Variants in HMGCLL1 observed in about 807,000 individuals in gnomAD.
The protein encoded by HMGCLL1 is 3-hydroxy-3-methylglutaryl-CoA lyase like 1.
HMGCLL1 carries 36 observed loss-of-function variants against 39.1 expected under a neutral mutation model. The ratio of observed to expected loss-of-function variants is 0.92; its 90% confidence interval spans 0.71 to 1.22. HMGCLL1 has a LOEUF of 1.22. Ranked by LOEUF, HMGCLL1 falls within the 50% of genes most tolerant of loss-of-function variation. The pLI is 0.00. For synonymous variants in HMGCLL1, 149 were observed against 144.0 expected (o/e 1.03, Z -0.25); for missense variants, 451 against 416.5 (o/e 1.08, Z -0.72).
chr6:55,500,249 G>A (rs1468702181), intron 5 of HMGCLL1, among the ~76,000 whole-genome samples: 3 of 151,970 alleles, frequency 2.0e-5, no homozygotes, highest in South Asian at 2.1e-4. Flanking sequence ...TCACTCAAAA[G>A]TGTTTTGAGG....
intron 5 of HMGCLL1, chr6:55,512,511 T>C (rs1008016839): frequency 6.6e-6 from 1 of 152,138 alleles, no homozygotes; most frequent in Non-Finnish European, 1.5e-5. Context: ...TTTTCTCATA[T>C]AGTCCTTACA....
At chr6:55,435,989 T>A (rs1763356504) in intron 8 of HMGCLL1, among the ~76,000 whole-genome samples, 1 of 152,022 alleles carries the variant, frequency 6.6e-6, no homozygotes, top group South Asian at 2.1e-4. Context: ...CTGACCCTTG[T>A]ATAATAATAT....
intron 7 of HMGCLL1, among the ~76,000 whole-genome samples, chr6:55,484,374 C>T (rs1425925750): frequency 6.6e-6 from 1 of 151,928 alleles, no homozygotes; most frequent in Non-Finnish European, 1.5e-5. Flanking sequence ...CTCGGTGCCC[C>T]ATTTATCATC....
chr6:55,482,481 G>T (rs539467634), intron 7 of HMGCLL1, among the ~76,000 whole-genome samples: 116 of 152,146 alleles, frequency 7.6e-4, no homozygotes, highest in African/African-American at 2.7e-3. Context: ...TAACTCTAAG[G>T]TCTGTTATCT....
intron 1 of HMGCLL1, among the ~76,000 whole-genome samples, chr6:55,557,137 AC>A (rs1214037760): frequency 6.6e-6 from 1 of 151,982 alleles, no homozygotes; most frequent in African/African-American, 2.4e-5. Context: ...ACTTCCAAGA[AC>A]CCCCAAACTG....
At chr6:55,640,858 C>T in the HMGCLL1 span, among the ~76,000 whole-genome samples, 52,912 of 151,458 alleles carry the variant, frequency 0.35, 9,599 homozygotes, top group African/African-American at 0.44. Context: ...TTCTCCAAAC[C>T]CACGATTGAC....
At chr6:55,591,156 G>T in the HMGCLL1 span, among the ~76,000 whole-genome samples, 8 of 152,022 alleles carry the variant, frequency 5.3e-5, no homozygotes, top group African/African-American at 1.9e-4. Context: ...TTTTTTCCAA[G>T]AGAGCTTCTT....
chr6:55,453,181 G>T (rs1258894600), intron 7 of HMGCLL1, among the ~76,000 whole-genome samples: 1 of 151,954 alleles, frequency 6.6e-6, no homozygotes, highest in Non-Finnish European at 1.5e-5. Context: ...TTTGTTGTTG[G>T]TTTTGTTTTG....
At chr6:55,673,181 T>C in the HMGCLL1 span, among the ~76,000 whole-genome samples, 1 of 151,934 alleles carries the variant, frequency 6.6e-6, no homozygotes, top group East Asian at 1.9e-4. Flanking sequence ...GTAGGTGAGG[T>C]GTGTCTCCTC....
At chr6:55,539,914 G>GAA (rs574721426) in intron 3 of HMGCLL1, among the ~76,000 whole-genome samples, 1 of 128,814 alleles carries the variant, frequency 7.8e-6, no homozygotes, top group East Asian at 2.3e-4. Context: ...AAGAAAGAAA[G>GAA]AAAGAAAAGG....
chr6:55,554,477 T>G (rs960889113), intron 1 of HMGCLL1, among the ~76,000 whole-genome samples: 2 of 152,098 alleles, frequency 1.3e-5, no homozygotes, highest in African/African-American at 4.8e-5. Flanking sequence ...CACGATTCCT[T>G]TAAGCAACCC....
the HMGCLL1 span, among the ~76,000 whole-genome samples, chr6:55,607,735 G>A: frequency 2.0e-5 from 3 of 152,096 alleles, no homozygotes; most frequent in East Asian, 5.8e-4. Context: ...TTTCCCAGGT[G>A]TTGATCCCAA....
intron 7 of HMGCLL1, among the ~76,000 whole-genome samples, chr6:55,477,093 AC>A (rs1174865491): frequency 1.0e-5 from 1 of 99,730 alleles, no homozygotes; most frequent in Non-Finnish European, 2.0e-5. Flanking sequence ...GTGCACATGT[AC>A]CCCAGAACTT....
chr6:55,547,030 G>A (rs1229413826), intron 1 of HMGCLL1, among the ~76,000 whole-genome samples: 1 of 151,874 alleles, frequency 6.6e-6, no homozygotes, highest in Admixed American at 6.6e-5. Context: ...TTCTATCTGC[G>A]TTTCATCTGT....
chr6:55,474,815 A>G (rs568883868), intron 7 of HMGCLL1, among the ~76,000 whole-genome samples: 13 of 151,746 alleles, frequency 8.6e-5, no homozygotes, highest in African/African-American at 3.1e-4. Flanking sequence ...TGTTTGCTGC[A>G]GCTGTAACTG....
intron 2 of HMGCLL1, 48 bp from the exon 3 acceptor site, chr6:55,541,884 T>A: frequency 8.7e-7 from 1 of 1,146,228 alleles, no homozygotes; most frequent in Non-Finnish European, 1.3e-6. Flanking sequence ...AGGTCCTATT[T>A]AAGCACAAAC....
the HMGCLL1 span, among the ~76,000 whole-genome samples, chr6:55,672,696 C>T: frequency 6.6e-6 from 1 of 151,790 alleles, no homozygotes; most frequent in Non-Finnish European, 1.5e-5. Flanking sequence ...ATGCATATAC[C>T]ACACTAAAAC....
At chr6:55,660,827 C>T in the HMGCLL1 span, among the ~76,000 whole-genome samples, 1 of 151,890 alleles carries the variant, frequency 6.6e-6, no homozygotes, top group Non-Finnish European at 1.5e-5. Context: ...AACTAATTTA[C>T]ACTACCGCCA....
Position 55,543,215 on chromosome 6 carries a change from T to TTATATAA in HMGCLL1, c.109-1082_109-1076dup, listed in dbSNP as rs1382411530. ...TATATTATATATTATATATTATATA[T>TTATATAA]TATATAATATATAATATAGATATAA... On this transcript the variant is annotated intron_variant, in intron 1 of 8. Transcript: ENST00000274901. Among the ~76,000 whole-genome samples, 2 of 16,122 alleles carry TTATATAA rather than the reference T, an allele frequency of 1.2e-4. 1 individual carries two copies. The highest frequency in any genetic ancestry group is 3.8e-4 in the African/African-American group (2 of 5,242). The allele number at this position is 16,122 out of a possible 152,430, so 10.6% of individuals were successfully genotyped here. A position where few individuals can be genotyped will look rare whatever the true frequency, so the allele number is the denominator to read the frequency against.
Sources: allele counts gnomAD v4.1 joint callset (sites outside exome capture counted in the v4.1 genomes callset), GRCh38; gene constraint gnomAD v4.1.1; transcripts MANE v1.5; gene names NCBI Gene and HGNC (gene_info 2026-07-23, HGNC 2026-07-21).